Variants in XRCC6 observed in about 807,000 individuals in gnomAD.
The protein encoded by XRCC6 is X-ray repair cross complementing 6, also known as DNA repair protein Ku70.
In XRCC6, 5 loss-of-function variants were observed where a neutral mutation model predicts 65.7. The observed-to-expected ratio is 0.08, with a 90% CI of 0.04 to 0.16. The LOEUF is 0.16. Among genes scored for constraint, XRCC6 ranks in the 10% least tolerant of loss-of-function variants. The pLI, the probability that XRCC6 is intolerant of heterozygous loss-of-function variation, is 1.00. For synonymous variants in XRCC6, 270 were observed against 270.6 expected, an observed-to-expected ratio of 1.00 and a Z score of 0.02; for missense variants, 447 against 738.1, an observed-to-expected ratio of 0.61 and a Z score of 4.57.
Position 41,637,591 on chromosome 22 carries a change from G to A in XRCC6, c.590-17G>A. On this transcript the variant is annotated splice_polypyrimidine_tract_variant and intron_variant, in intron 5 of 12. Transcript: ENST00000360079. ...AATTGTTTTTTCCTCCCTCACTTTT[G>A]TTTACCCTTGCAACAGGCATCTTCC... The A allele has an allele frequency of 6.5e-7, 1 of 1,539,222 alleles. No homozygotes were observed. Among genetic ancestry groups the A allele is most frequent in the African/African-American group, 1.4e-5 (1 of 72,026 alleles).
At chr22:41,649,139 A>AAAT in intron 7 of XRCC6, among the ~76,000 whole-genome samples, 1,160 of 88,670 alleles carry the variant, frequency 0.013, 43 homozygotes, top group African/African-American at 0.049. Flanking sequence ...AAAAAAAAAA[A>AAAT]ATATATATAT....
At chr22:41,623,083 A>T (rs1482482659) in intron 2 of XRCC6, among the ~76,000 whole-genome samples, 1 of 152,120 alleles carries the variant, frequency 6.6e-6, no homozygotes, top group Non-Finnish European at 1.5e-5. Context: ...TTTATTTCCT[A>T]ATGAAATATA....
At chr22:41,647,709 A>G (rs911983298) in intron 7 of XRCC6, among the ~76,000 whole-genome samples, 6 of 151,882 alleles carry the variant, frequency 4.0e-5, no homozygotes, top group African/African-American at 1.5e-4. Flanking sequence ...GACATTGGCC[A>G]CTGTGCCCAG....
intron 4 of XRCC6, 51 bp from the exon 5 acceptor site, chr22:41,636,465 A>G (rs975730501): frequency 2.3e-5 from 36 of 1,597,702 alleles, no homozygotes; most frequent in Non-Finnish European, 3.0e-5. Context: ...AAAGGCAGCC[A>G]CTGACATTCT....
At position 41,647,070 on chromosome 22, in the gene XRCC6, C is replaced by G; in HGVS notation, c.948C>G (p.Thr316=). Residue 316 remains threonine (T), a synonymous_variant, in exon 7 of 13, where the codon ACC becomes ACG. Transcript: ENST00000360079. ...STGGLLLPSD[T]KRSQIYGSRQ... ...GCGGTTTGCTTCTGCCTAGCGATACCAAGAGGTCTCAGGTAGGTAGAGATG... is the reference window on the plus strand; with the variant it reads ...GCGGTTTGCTTCTGCCTAGCGATACGAAGAGGTCTCAGGTAGGTAGAGATG... 6.2e-7 allele frequency: 1 copy of G among 1,613,940 alleles called. No homozygotes were observed. Among genetic ancestry groups the G allele is most frequent in the Non-Finnish European group, 8.5e-7 (1 of 1,179,954 alleles).
At chr22:41,632,121 A>AGAGAGG (rs2067761031) in intron 3 of XRCC6, among the ~76,000 whole-genome samples, 1 of 147,266 alleles carries the variant, frequency 6.8e-6, no homozygotes, top group African/African-American at 2.6e-5. Context: ...GACCGTGGAA[A>AGAGAGG]GAGAGGGAGA....
chr22:41,630,992 GGGGT>G (rs1380488884), intron 3 of XRCC6, among the ~76,000 whole-genome samples: 3 of 152,196 alleles, frequency 2.0e-5, no homozygotes, highest in Admixed American at 2.0e-4. Context: ...CCTCCCAGAC[GGGGT>G]GGTGGCTGGG....
At chr22:41,646,745 G>A (rs753401521) in intron 6 of XRCC6, 151 bp from the exon 7 acceptor site, 6 of 631,636 alleles carry the variant, frequency 9.5e-6, no homozygotes, top group South Asian at 5.6e-5. Flanking sequence ...TAGCAAATTC[G>A]ATTGTATTAT....
At position 41,636,506 on chromosome 22, in the gene XRCC6, C is replaced by T. The variant is rs747986186; in HGVS notation, c.335-10C>T. The T allele has an allele frequency of 3.7e-6, 6 of 1,613,316 alleles. No individual in the cohort carries two copies. The highest frequency in any genetic ancestry group is 4.2e-6 in the Non-Finnish European group (5 of 1,179,488). Reference sequence around the variant, plus strand: ...TTTTTCTTTCCATTTGACTCCCTGCCTCTGATCAGGTGCAAAACGAATTCT... The same window carrying T: ...TTTTTCTTTCCATTTGACTCCCTGCTTCTGATCAGGTGCAAAACGAATTCT... On this transcript the variant is annotated splice_polypyrimidine_tract_variant and intron_variant, in intron 4 of 12. Transcript: ENST00000360079.
At chr22:41,643,941 C>G (rs1332430701) in intron 6 of XRCC6, among the ~76,000 whole-genome samples, 1 of 147,258 alleles carries the variant, frequency 6.8e-6, no homozygotes, top group African/African-American at 2.6e-5. Flanking sequence ...GCTGAGATTG[C>G]GCCACTGCAC....
At chr22:41,658,934 A>G (rs2068073334) in intron 11 of XRCC6, among the ~76,000 whole-genome samples, 1 of 152,168 alleles carries the variant, frequency 6.6e-6, no homozygotes. Context: ...TGTCTCAAAA[A>G]ACAAAACAAA....
chr22:41,660,079 G>A (rs1463040253), intron 11 of XRCC6, among the ~76,000 whole-genome samples: 1 of 152,222 alleles, frequency 6.6e-6, no homozygotes, highest in Non-Finnish European at 1.5e-5. Context: ...GACTTCTGAT[G>A]CAGCAGGAGC....
chr22:41,647,508 G>A (rs1356832079), intron 7 of XRCC6, among the ~76,000 whole-genome samples: 2 of 151,110 alleles, frequency 1.3e-5, no homozygotes, highest in Non-Finnish European at 2.9e-5. Flanking sequence ...TTGAACCCGG[G>A]AGGCAGAGGT....
Position 41,656,920 on chromosome 22 carries a change from T to C in XRCC6, c.1309T>C (p.Leu437=). The change falls in exon 10 of 13, where the codon TTA becomes CTA. Residue 437 remains leucine, a synonymous_variant. Coordinates refer to ENST00000360079, the MANE Select transcript of XRCC6 (RefSeq NM_001469.5). The stretch of plus-strand genomic sequence containing the variant: ...TTCTTCAGGCTTCCAGCTGGTCTTT[T>C]TACCCTTTGCTGATGATAAAAGGAA... ...VTPPGFQLVF[L]PFADDKRKMP... The C allele has an allele frequency of 6.2e-7, 1 of 1,613,664 alleles. No homozygotes were observed. The highest frequency in any genetic ancestry group is 1.3e-5 in the African/African-American group (1 of 75,054).
At chr22:41,636,462 G>T in intron 4 of XRCC6, 54 bp from the exon 5 acceptor site, 1 of 1,594,402 alleles carries the variant, frequency 6.3e-7, no homozygotes, top group Non-Finnish European at 8.5e-7. Context: ...GGTAAAGGCA[G>T]CCACTGACAT....
Position 41,637,619 on chromosome 22 carries a change from G to T in XRCC6, c.601G>T (p.Asp201Tyr). 6.2e-7 allele frequency: 1 copy of T among 1,602,950 alleles called. No individual in the cohort carries two copies. The highest frequency in any genetic ancestry group is 1.1e-5 in the South Asian group (1 of 89,442). The change falls in exon 6 of 13, where the codon GAC becomes TAC. Residue 201 changes from aspartate (D) to tyrosine (Y), a missense_variant. Physicochemically the swap from Asp to Tyr is radical, Grantham distance 160. Coordinates refer to ENST00000360079, the MANE Select transcript of XRCC6 (RefSeq NM_001469.5). ...TACCCTTGCAACAGGCATCTTCCTT[G>T]ACTTGATGCACCTGAAGAAACCTGG... ...GDLRDTGIFL[D>Y]LMHLKKPGGF... is the part of the protein sequence containing the mutation.
chr22:41,648,058 T>G, intron 7 of XRCC6: 1 of 56,580 alleles, frequency 1.8e-5, no homozygotes, highest in East Asian at 6.9e-4. Context: ...TCCCCTCCCC[T>G]CCTCTCCCCT....
In XRCC6 at chr22:41,636,150, G is replaced by C. The variant is rs2067807355; in HGVS notation, c.233G>C (p.Ser78Thr). 1.3e-6 allele frequency: 2 copies of C among 1,599,606 alleles called. No homozygotes were observed. The highest frequency in any genetic ancestry group is 1.4e-5 in the African/African-American group (1 of 73,656). ...QSVYISKIIS[S>T]DRDLLAVVFY... is the part of the protein sequence containing the mutation. Reference sequence around the variant, plus strand: ...GTGTACATCAGTAAGATCATAAGCAGTGATCGAGATCTCTTGGCTGTGGTG... The same window carrying C: ...GTGTACATCAGTAAGATCATAAGCACTGATCGAGATCTCTTGGCTGTGGTG... Residue 78 changes from serine (S) to threonine (T), a missense_variant, in exon 4 of 13, where the codon AGT (serine) becomes ACT (threonine). By Grantham distance (58) the Ser-to-Thr change is moderately conservative. Around this residue, in one of 4 missense-constraint regions of XRCC6, gnomAD observed 228 missense variants for 307.4 expected, o/e 0.74. Transcript: ENST00000360079.
At chr22:41,654,244 C>G (rs2068025508) in intron 9 of XRCC6, among the ~76,000 whole-genome samples, 2 of 152,140 alleles carry the variant, frequency 1.3e-5, no homozygotes. Context: ...TATTCCTTAG[C>G]TACAAAGATG....
Sources: gnomAD v4.1 joint callset for allele counts (sites outside exome capture counted in the v4.1 genomes callset) on GRCh38, gnomAD v4.1.1 for gene constraint, gnomAD v4.1.1 regional missense constraint, MANE v1.5 for transcripts, NCBI Gene and HGNC (gene_info 2026-07-23, HGNC 2026-07-21) for gene names.